Variants in ABCA13 observed in about 807,000 individuals in gnomAD.
ABCA13 encodes the protein ATP-binding cassette sub-family A member 13.
In ABCA13, 476 loss-of-function variants were observed where a neutral mutation model predicts 478.7. That is an observed-to-expected ratio of 0.99 (90% CI 0.92 to 1.07). The LOEUF is 1.07. ABCA13 is among the 50% of genes least tolerant of loss of function. ABCA13 has a pLI of 0.00. For synonymous variants in ABCA13, 2,252 were observed against 2,158.9 expected, an observed-to-expected ratio of 1.04 and a Z score of -1.20; for missense variants, 6,060 against 5,910.6, an observed-to-expected ratio of 1.03 and a Z score of -0.83.
chr7:48,253,877 T>G (rs1219767169), intron 15 of ABCA13, among the ~76,000 whole-genome samples: 1 of 152,134 alleles, frequency 6.6e-6, no homozygotes, highest in African/African-American at 2.4e-5. Flanking sequence ...TTTCTTTAAA[T>G]ATTTCTTTTA....
intron 27 of ABCA13, among the ~76,000 whole-genome samples, chr7:48,323,087 T>C (rs975655797): frequency 6.6e-6 from 1 of 152,180 alleles, no homozygotes; most frequent in African/African-American, 2.4e-5. Context: ...GTTCGTCCAT[T>C]CACCCACTAA....
At chr7:48,188,657 C>G (rs1007365852) in intron 1 of ABCA13, among the ~76,000 whole-genome samples, 3 of 151,930 alleles carry the variant, frequency 2.0e-5, no homozygotes, top group Non-Finnish European at 2.9e-5. Flanking sequence ...TCCCCCCACC[C>G]CACCCATTTT....
At chr7:48,171,767 T>G (rs1207366152) in intron 1 of ABCA13, among the ~76,000 whole-genome samples, 1 of 152,234 alleles carries the variant, frequency 6.6e-6, no homozygotes, top group African/African-American at 2.4e-5. Flanking sequence ...CTGAAGAATT[T>G]ATCAGAAAAG....
chr7:48,276,707 A>G, intron 17 of ABCA13, 142 bp downstream of exon 17: 2 of 681,170 alleles, frequency 2.9e-6, no homozygotes, highest in Non-Finnish European at 4.6e-6. Flanking sequence ...GTCTTAATAA[A>G]TATTTTATCA....
At chr7:48,573,737 G>T (rs934600318) in intron 55 of ABCA13, among the ~76,000 whole-genome samples, 15 of 151,940 alleles carry the variant, frequency 9.9e-5, no homozygotes, top group Admixed American at 3.9e-4. Context: ...CCATCTCAAA[G>T]CAACAACAAC....
chr7:48,301,996 A>G (rs1341460697), intron 23 of ABCA13, among the ~76,000 whole-genome samples: 1 of 152,182 alleles, frequency 6.6e-6, no homozygotes, highest in Non-Finnish European at 1.5e-5. Flanking sequence ...CTGAGAAATG[A>G]GTATTGTGCT....
intron 53 of ABCA13, among the ~76,000 whole-genome samples, chr7:48,523,838 C>A (rs35573123): frequency 2.6e-4 from 39 of 151,956 alleles, no homozygotes; most frequent in Admixed American, 3.9e-4. Flanking sequence ...TATAAACTTA[C>A]AATGTTTCAG....
intron 29 of ABCA13, among the ~76,000 whole-genome samples, chr7:48,341,103 A>T (rs766406519): frequency 6.6e-6 from 1 of 152,126 alleles, no homozygotes; most frequent in Non-Finnish European, 1.5e-5. Flanking sequence ...GTATGAGGAG[A>T]TAAATGTTGT....
intron 40 of ABCA13, among the ~76,000 whole-genome samples, chr7:48,411,681 G>A (rs1200997902): frequency 6.6e-6 from 1 of 152,128 alleles, no homozygotes; most frequent in Non-Finnish European, 1.5e-5. Flanking sequence ...AGAGTAGTGA[G>A]GGTATAGAGC....
chr7:48,455,355 T>C lies in ABCA13; in HGVS notation c.12815+69T>C, dbSNP rs1372245830. On this transcript the variant is annotated intron_variant, in intron 43 of 61. Transcript: ENST00000435803. Reference sequence around the variant, plus strand: ...AGATTATGAATTGCAATAGCTTCGATACTTTTGAGAATTCTAGATAAAAAC... The same window carrying C: ...AGATTATGAATTGCAATAGCTTCGACACTTTTGAGAATTCTAGATAAAAAC... The C allele has an allele frequency of 6.7e-6, 10 of 1,493,126 alleles. No individual in the cohort carries two copies. In the East Asian group the frequency reaches 1.9e-4, roughly 29 times the overall value. The allele number at this position is 1,493,126 out of a possible 1,614,324, so 92.5% of individuals were successfully genotyped here.
chr7:48,291,824 C>T (rs561837150), intron 20 of ABCA13, among the ~76,000 whole-genome samples: 1 of 152,292 alleles, frequency 6.6e-6, no homozygotes, highest in African/African-American at 2.4e-5. Context: ...TGCGGAATCT[C>T]ACTCCTCACC....
chr7:48,532,496 T>C (rs539345151), intron 55 of ABCA13, among the ~76,000 whole-genome samples: 3 of 152,120 alleles, frequency 2.0e-5, no homozygotes, highest in Non-Finnish European at 4.4e-5. Context: ...GATTTTGGTA[T>C]TGGGGTGACA....
At chr7:48,328,367 G>A (rs942828627) in intron 27 of ABCA13, among the ~76,000 whole-genome samples, 1 of 152,172 alleles carries the variant, frequency 6.6e-6, no homozygotes, top group African/African-American at 2.4e-5. Flanking sequence ...CCGTGGTTTG[G>A]TGAGGCTCTC....
chr7:48,525,010 C>T (rs1832793479), intron 54 of ABCA13, among the ~76,000 whole-genome samples: 1 of 152,154 alleles, frequency 6.6e-6, no homozygotes, highest in Non-Finnish European at 1.5e-5. Flanking sequence ...CTTCAATTAA[C>T]TGTTAAAAAT....
intron 42 of ABCA13, among the ~76,000 whole-genome samples, chr7:48,438,323 G>A (rs1189190842): frequency 6.6e-6 from 1 of 152,058 alleles, no homozygotes; most frequent in African/African-American, 2.4e-5. Flanking sequence ...GTTTTTGATT[G>A]GGAGTTTGGT....
chr7:48,388,038 TCC>T (rs1214488867), intron 36 of ABCA13, 79 bp downstream of exon 36: 8 of 1,467,638 alleles, frequency 5.5e-6, no homozygotes, highest in African/African-American at 2.8e-5. Flanking sequence ...GTTTTTATGG[TCC>T]AGCCTTTTCA....
At chr7:48,293,257 G>A (rs776325851) in intron 20 of ABCA13, among the ~76,000 whole-genome samples, 3 of 150,686 alleles carry the variant, frequency 2.0e-5, no homozygotes, top group Non-Finnish European at 3.0e-5. Context: ...ATCTTGGGGC[G>A]GCCTCCAGAG....
At chr7:48,266,254 C>T (rs1794857397) in intron 15 of ABCA13, among the ~76,000 whole-genome samples, 1 of 151,434 alleles carries the variant, frequency 6.6e-6, no homozygotes, top group African/African-American at 2.4e-5. Flanking sequence ...TTGTCTTTGT[C>T]TTATATTTAT....
At chr7:48,497,369 TTA>T (rs1406305635) in intron 48 of ABCA13, among the ~76,000 whole-genome samples, 1 of 152,248 alleles carries the variant, frequency 6.6e-6, no homozygotes, top group African/African-American at 2.4e-5. Context: ...TGAAGCATCT[TTA>T]TGATACATAT....
Sources: allele counts gnomAD v4.1 joint callset (sites outside exome capture counted in the v4.1 genomes callset), GRCh38; gene constraint gnomAD v4.1.1; transcripts MANE v1.5; gene names NCBI Gene and HGNC (gene_info 2026-07-23, HGNC 2026-07-21).